PAM: variants seen among roughly 807,000 people sequenced by gnomAD.
PAM encodes the protein peptidyl-glycine alpha-amidating monooxygenase.
PAM carries 72 observed loss-of-function variants against 122.1 expected under a neutral mutation model. That is an observed-to-expected ratio of 0.59 (90% CI 0.49 to 0.72). The LOEUF is 0.72. Ranked by LOEUF, PAM falls within the 30% of genes least tolerant of loss-of-function variation. PAM has a pLI of 0.00. For synonymous variants in PAM, 389 were observed against 404.4 expected (o/e 0.96, Z 0.46); for missense variants, 1,106 against 1,183.7 (o/e 0.93, Z 0.96).
chr5:102,868,583 C>T (rs553595657), intron 3 of PAM, among the ~76,000 whole-genome samples: 1 of 152,320 alleles, frequency 6.6e-6, no homozygotes, highest in South Asian at 2.1e-4. Flanking sequence ...GAGATTGAGA[C>T]TAGGAGAGAA....
chr5:102,901,463 T>A (rs540711734), intron 4 of PAM, 50 bp downstream of exon 4: 1 of 1,001,990 alleles, frequency 1.0e-6, no homozygotes, highest in Non-Finnish European at 1.6e-6. Flanking sequence ...AGGGCAGTGA[T>A]TTGAAATCAG....
rs1435136226 is a variant in PAM, at chr5:102,977,656, G to GCGCA, written c.1483+3222_1483+3225dup. ...GGCTTCCCAACACACACATGCATGT[G>GCGCA]CGCACACACACACACACACACACAC... On this transcript the variant is annotated intron_variant, in intron 15 of 25. Transcript: ENST00000438793. 1.9e-4 allele frequency among the ~76,000 whole-genome samples: 22 copies of GCGCA among 112,980 alleles called. 1 individual carries two copies. The highest frequency in any genetic ancestry group is 1.4e-3 in the Admixed American group (15 of 11,098). 74.1% of individuals were successfully genotyped at this position (112,980 alleles called of 152,430 possible).
chr5:102,905,977 T>C (rs1278600856), intron 4 of PAM, among the ~76,000 whole-genome samples: 1 of 151,600 alleles, frequency 6.6e-6, no homozygotes, highest in Admixed American at 6.6e-5. Flanking sequence ...TTTTGATGAG[T>C]GGATACAGCC....
At chr5:103,008,637 C>T (rs1779740972) in intron 20 of PAM, among the ~76,000 whole-genome samples, 1 of 151,496 alleles carries the variant, frequency 6.6e-6, no homozygotes, top group Non-Finnish European at 1.5e-5. Context: ...GACCAAGCAG[C>T]CCCCCAAATT....
At chr5:102,954,959 G>A (rs1760236187) in intron 12 of PAM, among the ~76,000 whole-genome samples, 1 of 151,994 alleles carries the variant, frequency 6.6e-6, no homozygotes, top group Admixed American at 6.6e-5. Context: ...TACATGCAAA[G>A]ATAAAGTTAC....
At chr5:102,811,435 A>G (rs1037157709) in intron 1 of PAM, among the ~76,000 whole-genome samples, 1 of 152,170 alleles carries the variant, frequency 6.6e-6, no homozygotes. Flanking sequence ...TCACTTTGCC[A>G]TCTCTCTGGT....
intron 1 of PAM, among the ~76,000 whole-genome samples, chr5:102,812,166 C>A (rs1481259059): frequency 6.6e-6 from 1 of 152,102 alleles, no homozygotes; most frequent in African/African-American, 2.4e-5. Context: ...GCAGATGAAT[C>A]TGACAGTTAT....
At chr5:103,011,372 ACACACT>A (rs1025446181) in intron 21 of PAM, among the ~76,000 whole-genome samples, 34 of 136,020 alleles carry the variant, frequency 2.5e-4, no homozygotes, top group African/African-American at 8.4e-4. Context: ...ACACACAAAC[ACACACT>A]CACACACACA....
Position 102,965,674 on chromosome 5 carries a change from C to T in PAM, c.1162+4445C>T, listed in dbSNP as rs11956877. On this transcript the variant is annotated intron_variant, in intron 14 of 25. Transcript: ENST00000438793. ...GTCTTTGTGCCCTCATATAATCAAT[C>T]TTTCTACTCAAAGGTCAGCATAAGC... Among the ~76,000 whole-genome samples, 1,489 of 152,122 alleles carry T rather than the reference C, an allele frequency of 9.8e-3. 21 individuals are homozygous for T. The highest frequency in any genetic ancestry group is 0.034 in the African/African-American group (1,423 of 41,542).
At chr5:102,976,650 A>G (rs954237108) in intron 15 of PAM, among the ~76,000 whole-genome samples, 1 of 152,210 alleles carries the variant, frequency 6.6e-6, no homozygotes, top group Non-Finnish European at 1.5e-5. Flanking sequence ...CATAGAAGAA[A>G]GTAACTTTTT....
chr5:102,903,018 A>T (rs1421679991), intron 4 of PAM, among the ~76,000 whole-genome samples: 1 of 151,602 alleles, frequency 6.6e-6, no homozygotes, highest in East Asian at 1.9e-4. Context: ...ACAAGTGAGT[A>T]TATTCAGTCA....
At chr5:102,801,801 C>T (rs1330331577) in intron 1 of PAM, among the ~76,000 whole-genome samples, 2 of 106,522 alleles carry the variant, frequency 1.9e-5, no homozygotes, top group Non-Finnish European at 3.5e-5. Context: ...TTTTTTGAGA[C>T]GGAGTCTCGC....
At chr5:102,768,224 G>T (rs1186228134) in intron 1 of PAM, among the ~76,000 whole-genome samples, 1 of 151,146 alleles carries the variant, frequency 6.6e-6, no homozygotes. Flanking sequence ...AATTTTTGTG[G>T]ATAACTAGTA....
In PAM at chr5:102,951,011, G is replaced by A. The variant is rs80012605; in HGVS notation, c.905+191G>A. Among the ~76,000 whole-genome samples, 572 of 151,978 alleles carry A rather than the reference G, an allele frequency of 3.8e-3. 2 individuals carry two copies. Among genetic ancestry groups the A allele is most frequent in the African/African-American group, 0.013 (537 of 41,458 alleles). ...CCCCAGAACATGTGCTCATTTTTTT[G>A]TGCTACTCTTTTTCTTACTTCCTCA... On this transcript the variant is annotated intron_variant, in intron 12 of 25. Transcript: ENST00000438793.
chr5:102,941,915 C>CGTTCA (rs1755387589), intron 7 of PAM, among the ~76,000 whole-genome samples: 1 of 150,668 alleles, frequency 6.6e-6, no homozygotes, highest in African/African-American at 2.4e-5. Flanking sequence ...TCTAATAGAG[C>CGTTCA]CCAGAGTGAA....
At chr5:102,882,701 T>A (rs1413614190) in intron 3 of PAM, among the ~76,000 whole-genome samples, 2 of 152,156 alleles carry the variant, frequency 1.3e-5, no homozygotes, top group Non-Finnish European at 2.9e-5. Flanking sequence ...CTTCTTTTGC[T>A]GTGCAGAAGC....
At chr5:102,824,771 G>T (rs1580596685) in intron 1 of PAM, among the ~76,000 whole-genome samples, 2 of 96,676 alleles carry the variant, frequency 2.1e-5, no homozygotes, top group East Asian at 6.6e-4. Flanking sequence ...TATGGACGTA[G>T]AAACAAATCA....
intron 1 of PAM, among the ~76,000 whole-genome samples, chr5:102,846,764 CCTT>C (rs1780056493): frequency 1.3e-5 from 2 of 152,200 alleles, no homozygotes; most frequent in South Asian, 2.1e-4. Flanking sequence ...GTGCCTGCTC[CCTT>C]CTTCTCTTGA....
chr5:102,842,680 T>G (rs1778945182), intron 1 of PAM, among the ~76,000 whole-genome samples: 1 of 152,174 alleles, frequency 6.6e-6, no homozygotes, highest in Admixed American at 6.5e-5. Context: ...GGGTGTTGTG[T>G]GAGTTAGTCT....
Sources: gnomAD v4.1 joint callset for allele counts (sites outside exome capture counted in the v4.1 genomes callset) on GRCh38, gnomAD v4.1.1 for gene constraint, MANE v1.5 for transcripts, NCBI Gene and HGNC (gene_info 2026-07-23, HGNC 2026-07-21) for gene names.